The following CHMP4C variants were observed in gnomAD, a reference collection of about 807,000 sequenced individuals.
CHMP4C encodes charged multivesicular body protein 4C.
Under a neutral mutation model 29.0 loss-of-function variants are expected in CHMP4C, and 28 were observed. The observed-to-expected ratio is 0.97, with a 90% CI of 0.72 to 1.32. The LOEUF is 1.32. CHMP4C is among the 40% of genes most tolerant of loss of function. CHMP4C has a pLI of 0.00. For missense variants in CHMP4C, 291 were observed against 281.0 expected, an observed-to-expected ratio of 1.04 and a Z score of -0.25; for synonymous variants, 106 against 102.4, an observed-to-expected ratio of 1.04 and a Z score of -0.21.
chr8:81,735,846 G>T (rs1808681586), intron 1 of CHMP4C, among the ~76,000 whole-genome samples: 1 of 152,076 alleles, frequency 6.6e-6, no homozygotes. Context: ...CAGCAATCTG[G>T]GGGGCTGAAG....
intron 2 of CHMP4C, among the ~76,000 whole-genome samples, chr8:81,754,378 T>G (rs1808945462): frequency 6.6e-6 from 1 of 152,120 alleles, no homozygotes; most frequent in South Asian, 2.1e-4. Context: ...AAAAATATAT[T>G]TGTTTTATAT....
chr8:81,738,811 T>C (rs897317493), intron 1 of CHMP4C, among the ~76,000 whole-genome samples: 9 of 152,198 alleles, frequency 5.9e-5, no homozygotes, highest in Non-Finnish European at 1.2e-4. Flanking sequence ...TCACAATTCC[T>C]TCTGTTTATT....
intron 1 of CHMP4C, among the ~76,000 whole-genome samples, chr8:81,740,170 T>C (rs1164383158): frequency 6.6e-6 from 1 of 152,218 alleles, no homozygotes; most frequent in Non-Finnish European, 1.5e-5. Flanking sequence ...AGACTTCATT[T>C]CAGGATGGCC....
intron 1 of CHMP4C, among the ~76,000 whole-genome samples, chr8:81,743,117 C>G (rs1431452682): frequency 6.6e-6 from 1 of 151,982 alleles, no homozygotes; most frequent in Non-Finnish European, 1.5e-5. Flanking sequence ...TAAAGGAATA[C>G]AGTTTGCTGG....
At chr8:81,758,037 G>C (rs1202538707) in intron 3 of CHMP4C, 105 bp from the exon 4 acceptor site, 1 of 954,664 alleles carries the variant, frequency 1.0e-6, no homozygotes, top group African/African-American at 1.6e-5. Context: ...CATTTCACTG[G>C]GTTCTCACAT....
intron 1 of CHMP4C, among the ~76,000 whole-genome samples, chr8:81,748,168 G>A (rs1045341153): frequency 2.6e-5 from 4 of 152,234 alleles, no homozygotes; most frequent in South Asian, 2.1e-4. Context: ...GTTCTGCCCG[G>A]CTCACTGGCA....
intron 1 of CHMP4C, among the ~76,000 whole-genome samples, chr8:81,744,702 T>A (rs1808801489): frequency 1.3e-5 from 2 of 152,194 alleles, no homozygotes; most frequent in Non-Finnish European, 2.9e-5. Context: ...CCCTAGGAAC[T>A]GTGCCTATAG....
intron 1 of CHMP4C, among the ~76,000 whole-genome samples, chr8:81,748,469 T>A (rs1297976287): frequency 2.0e-5 from 3 of 152,194 alleles, no homozygotes; most frequent in Non-Finnish European, 4.4e-5. Context: ...ACAGGCATAA[T>A]AAATTACAAA....
Position 81,758,194 on chromosome 8 carries a change from A to T in CHMP4C, c.536A>T (p.Lys179Met). The change falls in exon 4 of 5, where the codon AAG becomes ATG. Residue 179 changes from lysine (K) to methionine (M), a missense_variant. By Grantham distance (95) the Lys-to-Met change is moderately conservative. Coordinates refer to ENST00000297265, the MANE Select transcript of CHMP4C (RefSeq NM_152284.4). ...EELEQEELNKKMTNIRLPNVP... is the reference protein window; with the variant it reads ...EELEQEELNKMMTNIRLPNVP... ...TTGGAACAGGAGGAATTAAATAAGA[A>T]GATGACAAATATCCGCCTTCCAAAT... The T allele has an allele frequency of 6.2e-7, 1 of 1,613,938 alleles. No individual in the cohort carries two copies. Among genetic ancestry groups the T allele is most frequent in the South Asian group, 1.1e-5 (1 of 91,078 alleles).
rs758407230 is a variant in CHMP4C at position 81,753,282 on chromosome 8, A to G, written c.368+41A>G. ...CTCCCTCTGAATCATAAATTCCCTC[A>G]GTGTTGGGAAGAACCTTTGGAACCA... is the stretch of plus-strand genomic sequence containing the variant. On this transcript the variant is annotated intron_variant, in intron 2 of 4. Transcript: ENST00000297265. The G allele has an allele frequency of 4.7e-6, 7 of 1,480,256 alleles. No individual in the cohort carries two copies. The East Asian group carries it at 1.7e-4, about 36-fold the overall frequency. 91.7% of individuals were successfully genotyped at this position (1,480,256 alleles called of 1,614,324 possible). A position where few individuals can be genotyped will look rare whatever the true frequency, so the allele number is the denominator to read the frequency against.
intron 1 of CHMP4C, among the ~76,000 whole-genome samples, chr8:81,741,087 AC>A (rs1301268574): frequency 6.6e-6 from 1 of 152,178 alleles, no homozygotes; most frequent in Non-Finnish European, 1.5e-5. Context: ...AGTGTGTGTG[AC>A]ACAGTTTGCT....
At position 81,755,455 on chromosome 8, in the gene CHMP4C, C is replaced by T. The variant is rs143113522; in HGVS notation, c.454C>T (p.Arg152Trp). 1.4e-5 allele frequency: 22 copies of T among 1,611,178 alleles called. No individual in the cohort carries two copies. Among genetic ancestry groups the T allele is most frequent in the East Asian group, 6.7e-5 (3 of 44,820 alleles). The change falls in exon 3 of 5, where the codon CGG becomes TGG. Residue 152 changes from arginine to tryptophan, a missense_variant. Arg to Trp is a moderately radical substitution (Grantham distance 101). Coordinates refer to ENST00000297265, the MANE Select transcript of CHMP4C (RefSeq NM_152284.4). The stretch of plus-strand genomic sequence containing the variant: ...AGAAATCTCAGAAGCATTTTCTCAA[C>T]GGGTTGGCTTTGGTGATGACTTTGA... ...AQEISEAFSQ[R>W]VGFGDDFDED...
At chr8:81,748,541 A>G (rs1215010542) in intron 1 of CHMP4C, among the ~76,000 whole-genome samples, 2 of 152,210 alleles carry the variant, frequency 1.3e-5, no homozygotes, top group Admixed American at 6.5e-5. Flanking sequence ...TTCTTCTGTC[A>G]TGGCTTCAGC....
intron 3 of CHMP4C, among the ~76,000 whole-genome samples, chr8:81,756,940 C>T (rs1270699834): frequency 6.6e-6 from 1 of 152,140 alleles, no homozygotes; most frequent in Non-Finnish European, 1.5e-5. Flanking sequence ...TGTGCTATTT[C>T]ATACGGCCCA....
At position 81,753,141 on chromosome 8, in the gene CHMP4C, G is replaced by C. The variant is rs1219274251; in HGVS notation, c.268G>C (p.Glu90Gln). 2 of 1,612,634 alleles carry C rather than the reference G, an allele frequency of 1.2e-6. No individual in the cohort carries two copies. Among genetic ancestry groups the C allele is most frequent in the South Asian group, 1.1e-5 (1 of 90,808 alleles). ...TQIDGTLSTI[E>Q]FQREALENSH... ...GATTGATGGCACACTTTCTACCATT[G>C]AGTTCCAGAGAGAAGCCCTGGAGAA... The change falls in exon 2 of 5, where the codon GAG becomes CAG. Residue 90 changes from glutamate to glutamine, a missense_variant. Glu to Gln is a conservative substitution (Grantham distance 29). Transcript: ENST00000297265.
chr8:81,743,371 T>C (rs1808786951), intron 1 of CHMP4C, among the ~76,000 whole-genome samples: 3 of 151,878 alleles, frequency 2.0e-5, no homozygotes, highest in South Asian at 4.1e-4. Flanking sequence ...TTCATACTTA[T>C]ACTTAAAAAA....
chr8:81,757,209 A>T (rs1202559313), intron 3 of CHMP4C, among the ~76,000 whole-genome samples: 1 of 152,166 alleles, frequency 6.6e-6, no homozygotes, highest in Non-Finnish European at 1.5e-5. Context: ...GCATCCCAGC[A>T]CTGAGTTCAA....
At position 81,732,792 on chromosome 8, in the gene CHMP4C, A is replaced by G; in HGVS notation, c.166A>G (p.Lys56Glu). 6.2e-7 allele frequency: 1 copy of G among 1,612,452 alleles called. No homozygotes were observed. Residue 56 changes from lysine to glutamate, a missense_variant, in exon 1 of 5, where the codon AAG (lysine) becomes GAG (glutamate). Coordinates refer to ENST00000297265, the MANE Select transcript of CHMP4C (RefSeq NM_152284.4). The stretch of plus-strand genomic sequence containing the variant: ...CCAGAGAGAAATCGCCCTGGCCAAG[A>G]AGCACGGCACGCAGAATAAGCGAGG... ...RIQREIALAKKHGTQNKRAAL... is the reference protein window; with the variant it reads ...RIQREIALAKEHGTQNKRAAL...
intron 3 of CHMP4C, 121 bp from the exon 4 acceptor site, chr8:81,758,021 A>G (rs1021808634): frequency 9.2e-6 from 8 of 866,648 alleles, no homozygotes; most frequent in Non-Finnish European, 1.5e-5. Flanking sequence ...TTTAAAATAA[A>G]TATTCCATTT....
Sources: gnomAD v4.1 joint callset for allele counts (sites outside exome capture counted in the v4.1 genomes callset) on GRCh38, gnomAD v4.1.1 for gene constraint, MANE v1.5 for transcripts, NCBI Gene and HGNC (gene_info 2026-07-23, HGNC 2026-07-21) for gene names.